DPYD: variants seen among roughly 807,000 people sequenced by gnomAD.
The protein encoded by DPYD is dihydropyrimidine dehydrogenase, also known as dihydropyrimidine dehydrogenase [NADP(+)].
DPYD carries 109 observed loss-of-function variants against 116.2 expected under a neutral mutation model. The observed-to-expected ratio is 0.94, with a 90% CI of 0.80 to 1.10. The LOEUF is 1.10. DPYD is among the 50% of genes least tolerant of loss of function. The probability of loss-of-function intolerance (pLI) is 0.00; values close to 1 mark genes in which losing one functional copy is unlikely to be tolerated. For missense variants in DPYD, 1,302 were observed against 1,254.5 expected (o/e 1.04, Z -0.57); for synonymous variants, 440 against 432.0 (o/e 1.02, Z -0.23).
At chr1:97,261,385 T>C (rs1411141480) in intron 18 of DPYD, among the ~76,000 whole-genome samples, 1 of 151,824 alleles carries the variant, frequency 6.6e-6, no homozygotes, top group Admixed American at 6.6e-5. Context: ...AAAATTAATG[T>C]AGAGATCCAA....
intron 16 of DPYD, among the ~76,000 whole-genome samples, chr1:97,349,804 T>C (rs9701777): frequency 0.94 from 142,183 of 152,062 alleles, 67,232 homozygotes; most frequent in East Asian, 1. Context: ...CTGCAATAAA[T>C]ATACGTGTGC....
chr1:97,376,838 C>T (rs72728429), intron 15 of DPYD, among the ~76,000 whole-genome samples: 29,417 of 144,626 alleles, frequency 0.2, 3,184 homozygotes, highest in South Asian at 0.36. Flanking sequence ...ATTTATCATC[C>T]ATCTATACAC....
At chr1:97,615,621 A>T (rs186572915) in intron 8 of DPYD, among the ~76,000 whole-genome samples, 343 of 152,072 alleles carry the variant, frequency 2.3e-3, no homozygotes, top group Non-Finnish European at 3.9e-3. Flanking sequence ...TATCTTTTCT[A>T]TCCTGGCTGA....
chr1:97,780,923 CA>C (rs530001011), intron 3 of DPYD, among the ~76,000 whole-genome samples: 53 of 152,228 alleles, frequency 3.5e-4, no homozygotes, highest in African/African-American at 1.3e-3. Context: ...AAGGTAAAGA[CA>C]ATGAAAATAT....
At chr1:97,087,960 C>A (rs1370156869) in intron 21 of DPYD, among the ~76,000 whole-genome samples, 2 of 152,148 alleles carry the variant, frequency 1.3e-5, no homozygotes, top group African/African-American at 4.8e-5. Context: ...AAACTCAGAT[C>A]ATTTGAGGCT....
chr1:97,557,862 A>G (rs79965033), intron 11 of DPYD, among the ~76,000 whole-genome samples: 3,306 of 152,282 alleles, frequency 0.022, 180 homozygotes, highest in Admixed American at 0.1. Flanking sequence ...GGATATTTCC[A>G]TAGAATATCT....
intron 16 of DPYD, among the ~76,000 whole-genome samples, chr1:97,327,512 T>A (rs1668768776): frequency 1.3e-5 from 2 of 152,028 alleles, no homozygotes; most frequent in African/African-American, 4.8e-5. Context: ...AAATTACTCA[T>A]AATGAAACAA....
At chr1:97,122,701 T>A (rs952395922) in intron 20 of DPYD, among the ~76,000 whole-genome samples, 9 of 152,178 alleles carry the variant, frequency 5.9e-5, no homozygotes, top group Admixed American at 3.3e-4. Context: ...CTGATGATAC[T>A]AAGCAAGTCT....
chr1:97,599,274 C>T (rs1166096756), intron 8 of DPYD, among the ~76,000 whole-genome samples: 1 of 152,188 alleles, frequency 6.6e-6, no homozygotes, highest in Non-Finnish European at 1.5e-5. Flanking sequence ...GTTGCCAAAG[C>T]ACCTCCCTCT....
chr1:97,720,428 G>GTT (rs1041875719), intron 5 of DPYD: 120 of 986,100 alleles, frequency 1.2e-4, no homozygotes, highest in Non-Finnish European at 1.4e-4. Context: ...ATACTTCGTA[G>GTT]TGGTCAGGTA....
At chr1:97,835,455 T>C (rs1454141096) in intron 2 of DPYD, among the ~76,000 whole-genome samples, 6 of 152,236 alleles carry the variant, frequency 3.9e-5, no homozygotes, top group Admixed American at 1.3e-4. Context: ...GTTAATTTTA[T>C]TTGAAATATT....
chr1:97,219,491 C>T (rs191071668), intron 19 of DPYD, among the ~76,000 whole-genome samples: 1 of 152,062 alleles, frequency 6.6e-6, no homozygotes, highest in Non-Finnish European at 1.5e-5. Context: ...AGAACATGTG[C>T]TTTGGAGACA....
chr1:97,865,176 T>C (rs1671315322), intron 2 of DPYD, among the ~76,000 whole-genome samples: 1 of 151,842 alleles, frequency 6.6e-6, no homozygotes, highest in Non-Finnish European at 1.5e-5. Flanking sequence ...GTTGGTCAGG[T>C]AAAGACTTGT....
At chr1:97,893,429 CATATATATATATATATATATATAT>C (rs59336649) in intron 1 of DPYD, among the ~76,000 whole-genome samples, 4 of 71,906 alleles carry the variant, frequency 5.6e-5, no homozygotes, top group East Asian at 5.3e-4. Flanking sequence ...ATATCCATCG[CATATATATATATATATATATATAT>C]ATATATATAG....
intron 4 of DPYD, among the ~76,000 whole-genome samples, chr1:97,722,814 C>A (rs1343503737): frequency 6.6e-6 from 1 of 151,362 alleles, no homozygotes; most frequent in Non-Finnish European, 1.5e-5. Flanking sequence ...ACTCTTAGCA[C>A]CAATTATTTT....
intron 2 of DPYD, among the ~76,000 whole-genome samples, chr1:97,872,190 G>T (rs1484422079): frequency 6.6e-6 from 1 of 151,844 alleles, no homozygotes; most frequent in East Asian, 1.9e-4. Flanking sequence ...CAAAGATAAG[G>T]AAGCTGTGAA....
intron 20 of DPYD, among the ~76,000 whole-genome samples, chr1:97,111,215 A>AT (rs1419230888): frequency 2.6e-5 from 4 of 152,052 alleles, no homozygotes; most frequent in African/African-American, 4.8e-5. Context: ...TTGACTTGGT[A>AT]TAACGTATCC....
At chr1:97,911,630 C>A (rs1346104331) in intron 1 of DPYD, among the ~76,000 whole-genome samples, 1 of 151,772 alleles carries the variant, frequency 6.6e-6, no homozygotes, top group African/African-American at 2.4e-5. Context: ...TGCATATGCA[C>A]ATGCACACAC....
chr1:97,475,381 C>A (rs536277939), intron 13 of DPYD, among the ~76,000 whole-genome samples: 1 of 151,994 alleles, frequency 6.6e-6, no homozygotes, highest in African/African-American at 2.4e-5. Context: ...TGTTGGAAAA[C>A]TTTTAAGTAT....
Sources: allele counts gnomAD v4.1 joint callset (sites outside exome capture counted in the v4.1 genomes callset), GRCh38; gene constraint gnomAD v4.1.1; transcripts MANE v1.5; gene names NCBI Gene and HGNC (gene_info 2026-07-23, HGNC 2026-07-21).